Variants in RPH3AL observed in about 807,000 individuals in gnomAD.
The protein encoded by RPH3AL is rab effector Noc2.
RPH3AL carries 38 observed loss-of-function variants against 43.1 expected under a neutral mutation model. That is an observed-to-expected ratio of 0.88 (90% confidence interval 0.68 to 1.15). RPH3AL has a LOEUF of 1.15. RPH3AL is among the 50% of genes most tolerant of loss of function. RPH3AL has a pLI of 0.00. For synonymous variants in RPH3AL, 189 were observed against 176.3 expected (o/e 1.07, Z -0.57); for missense variants, 462 against 423.2 (o/e 1.09, Z -0.81).
At position 289,389 on chromosome 17, in the gene RPH3AL, G is replaced by A. The variant is rs774217760; in HGVS notation, c.352-7535C>T. ...TCCTGCCCAGATAATCCATCTCCAA[G>A]AACTCAAATCTCTCTCCAACCTCTC... On this transcript the variant is annotated intron_variant, in intron 5 of 9. Coordinates refer to ENST00000331302, the MANE Select transcript of RPH3AL (RefSeq NM_006987.4). This position sits in a 1 kb window ranked among gnomAD's most constrained non-coding sequence, Gnocchi z 5.2. Among the ~76,000 whole-genome samples, 3 of 152,020 alleles carry A rather than the reference G, an allele frequency of 2.0e-5. No homozygotes were observed. Among genetic ancestry groups the A allele is most frequent in the Admixed American group, 1.3e-4 (2 of 15,262 alleles).
intron 5 of RPH3AL, among the ~76,000 whole-genome samples, chr17:315,369 T>C (rs1555519435): frequency 3.3e-4 from 49 of 149,318 alleles, no homozygotes; most frequent in African/African-American, 6.3e-4. Flanking sequence ...CACTGACCTG[T>C]AGTCCCTGTG....
chr17:281,446 C>A (rs1452893083), intron 6 of RPH3AL, among the ~76,000 whole-genome samples: 1 of 152,086 alleles, frequency 6.6e-6, no homozygotes, highest in Non-Finnish European at 1.5e-5. Context: ...ATAATAACAG[C>A]CCCCACAAAC....
intron 3 of RPH3AL, among the ~76,000 whole-genome samples, 192 bp downstream of exon 3, chr17:327,275 T>G (rs1199449393): frequency 6.6e-6 from 1 of 152,040 alleles, no homozygotes; most frequent in Non-Finnish European, 1.5e-5. Context: ...ATCAGGGAAA[T>G]GGGGATAAAT....
chr17:235,901 A>C (rs36152544), intron 7 of RPH3AL, among the ~76,000 whole-genome samples: 14 of 113,328 alleles, frequency 1.2e-4, no homozygotes, highest in East Asian at 5.0e-4. Context: ...AGAGGGATAC[A>C]GGGTTCAAAG....
At chr17:235,681 T>C (rs182915197) in intron 7 of RPH3AL, among the ~76,000 whole-genome samples, 1,272 of 25,092 alleles carry the variant, frequency 0.051, 43 homozygotes, top group Middle Eastern at 0.095. Context: ...GCGGAGGCTC[T>C]ACACTAACAA....
intron 5 of RPH3AL, among the ~76,000 whole-genome samples, chr17:314,418 C>A (rs752808515): frequency 7.7e-6 from 1 of 129,730 alleles, no homozygotes; most frequent in African/African-American, 3.7e-5. Context: ...CCCACCTCCA[C>A]TGACATGTAG....
chr17:232,770 G>C (rs866707996), intron 7 of RPH3AL, among the ~76,000 whole-genome samples: 6 of 151,660 alleles, frequency 4.0e-5, no homozygotes, highest in Non-Finnish European at 8.8e-5. Context: ...CTGTGGTGCC[G>C]TTCTCAGGTG....
At chr17:262,475 A>G (rs1422281053) in intron 6 of RPH3AL, among the ~76,000 whole-genome samples, 2 of 151,736 alleles carry the variant, frequency 1.3e-5, no homozygotes, top group African/African-American at 2.4e-5. Context: ...CGGCCTCCCA[A>G]AGTGCTGGGA....
chr17:316,235 C>A (rs559907652), intron 5 of RPH3AL, among the ~76,000 whole-genome samples: 1 of 35,640 alleles, frequency 2.8e-5, no homozygotes, highest in Non-Finnish European at 6.2e-5. Flanking sequence ...GTCCCTGTGC[C>A]CCCACCTCCA....
rs1267238770 is a variant in RPH3AL, at chr17:323,055, G to C, written c.78-1640C>G. Among the ~76,000 whole-genome samples the C allele has an allele frequency of 1.3e-5, 2 of 152,102 alleles. No homozygotes were observed. The highest frequency in any genetic ancestry group is 4.8e-5 in the African/African-American group (2 of 41,420). On this transcript the variant is annotated intron_variant, in intron 3 of 9. Transcript: ENST00000331302. This position sits in a 1 kb window ranked among gnomAD's most constrained non-coding sequence, Gnocchi z 4.4. ...AATTCCCAATTGCCTGCAAATGGTCGTTAATAGTGATAACTGTAATTATCA... is the reference window on the plus strand; with the variant it reads ...AATTCCCAATTGCCTGCAAATGGTCCTTAATAGTGATAACTGTAATTATCA...
intron 7 of RPH3AL, among the ~76,000 whole-genome samples, chr17:233,279 T>G (rs908166217): frequency 1.8e-4 from 27 of 152,140 alleles, no homozygotes; most frequent in African/African-American, 6.5e-4. Flanking sequence ...TTTCATTCCC[T>G]TGGATTTAGA....
intron 6 of RPH3AL, among the ~76,000 whole-genome samples, chr17:249,749 G>T (rs576127867): frequency 6.6e-6 from 1 of 151,402 alleles, no homozygotes; most frequent in Non-Finnish European, 1.5e-5. Context: ...CCATCGCTGC[G>T]GGACGTCTCA....
Position 322,076 on chromosome 17 carries a change from G to T in RPH3AL, c.78-661C>A, listed in dbSNP as rs552126413. On this transcript the variant is annotated intron_variant, in intron 3 of 9. Transcript: ENST00000331302. This position sits in a 1 kb window ranked among gnomAD's most constrained non-coding sequence, Gnocchi z 4.0. ...TTGAAAACTAGCAGGTTCGAGGCGG[G>T]GGGGAAGCGAGTTACAGAAGAGGAG... 2.7e-4 allele frequency among the ~76,000 whole-genome samples: 41 copies of T among 152,308 alleles called. No homozygotes were observed. In the South Asian group the frequency reaches 8.1e-3, roughly 30 times the overall value.
chr17:341,057 C>T (rs1451329661), intron 1 of RPH3AL: 2 of 85,364 alleles, frequency 2.3e-5, no homozygotes, highest in Admixed American at 1.2e-4. Flanking sequence ...CTGCCCCTGC[C>T]CAGGTCTCCC....
intron 6 of RPH3AL, among the ~76,000 whole-genome samples, chr17:266,262 G>A (rs1355682533): frequency 6.6e-6 from 1 of 151,794 alleles, no homozygotes; most frequent in Non-Finnish European, 1.5e-5. Context: ...GTGAGCCAGG[G>A]AGAAAGCCCC....
At position 274,388 on chromosome 17, in the gene RPH3AL, C is replaced by T. The variant is rs916370114; in HGVS notation, c.438+7380G>A. Among the ~76,000 whole-genome samples the T allele has an allele frequency of 2.0e-5, 3 of 152,260 alleles. No individual in the cohort carries two copies. Among genetic ancestry groups the T allele is most frequent in the African/African-American group, 7.2e-5 (3 of 41,476 alleles). Reference sequence around the variant, plus strand: ...GGGGCAGCAGCTGAAGCCGCCTGGGCAGCCTTCCTGGCACTTCAGGGCTGC... The same window carrying T: ...GGGGCAGCAGCTGAAGCCGCCTGGGTAGCCTTCCTGGCACTTCAGGGCTGC... On this transcript the variant is annotated intron_variant, in intron 6 of 9. Coordinates refer to ENST00000331302, the MANE Select transcript of RPH3AL (RefSeq NM_006987.4). The surrounding 1 kb of genome is among the most constrained non-coding windows in gnomAD (Gnocchi z 4.7).
chr17:231,597 C>A (rs937232346), intron 7 of RPH3AL, among the ~76,000 whole-genome samples: 1 of 152,236 alleles, frequency 6.6e-6, no homozygotes, highest in Non-Finnish European at 1.5e-5. Context: ...ACTTAGTCCC[C>A]GAGACAGGTG....
At position 330,207 on chromosome 17, in the gene RPH3AL, C is replaced by T. The variant is rs753728698; in HGVS notation, c.-36-2628G>A. Among the ~76,000 whole-genome samples the T allele has an allele frequency of 7.9e-5, 12 of 152,368 alleles. No homozygotes were observed. The East Asian group carries it at 1.2e-3, about 15-fold the overall frequency. ...AGGCCACAACCTTAACCACACTGGT[C>T]GCTCTACCCCATGCACATGTCCAGG... On this transcript the variant is annotated intron_variant, in intron 2 of 9. Coordinates refer to ENST00000331302, the MANE Select transcript of RPH3AL (RefSeq NM_006987.4).
chr17:334,565 CA>C (rs2044889443), intron 1 of RPH3AL, among the ~76,000 whole-genome samples: 19 of 133,912 alleles, frequency 1.4e-4, no homozygotes, highest in South Asian at 2.6e-4. Context: ...CGCCTTCCCC[CA>C]GGGCCAGCCC....
Sources: allele counts gnomAD v4.1 joint callset (sites outside exome capture counted in the v4.1 genomes callset), GRCh38; gene constraint gnomAD v4.1.1; non-coding constraint Gnocchi (gnomAD v3.1); transcripts MANE v1.5; gene names NCBI Gene and HGNC (gene_info 2026-07-23, HGNC 2026-07-21).